The following DRC11 variants were observed in gnomAD, a reference collection of about 807,000 sequenced individuals.
The protein encoded by DRC11 is IQ and AAA domain-containing protein 1.
chr2:236,494,292 G>A, the DRC11 span, among the ~76,000 whole-genome samples: 7 of 152,074 alleles, frequency 4.6e-5, no homozygotes, highest in Non-Finnish European at 7.3e-5. The surrounding 1 kb of genome is among the most constrained non-coding windows in gnomAD (Gnocchi z 4.2). Context: ...CATTAGCACC[G>A]ACTATTTGTA....
the DRC11 span, among the ~76,000 whole-genome samples, chr2:236,455,999 T>C: frequency 6.6e-6 from 1 of 152,108 alleles, no homozygotes; most frequent in Non-Finnish European, 1.5e-5. This position sits in a 1 kb window ranked among gnomAD's most constrained non-coding sequence, Gnocchi z 5.7. Flanking sequence ...CCTCTCCTTT[T>C]GTAGGTCGGC....
chr2:236,422,530 C>G, the DRC11 span, among the ~76,000 whole-genome samples: 1 of 152,084 alleles, frequency 6.6e-6, no homozygotes, highest in Admixed American at 6.5e-5. Context: ...AACTACAAAC[C>G]ACTGCTCAAT....
chr2:236,341,993 T>C, the DRC11 span, among the ~76,000 whole-genome samples: 2 of 152,234 alleles, frequency 1.3e-5, no homozygotes, highest in African/African-American at 4.8e-5. Flanking sequence ...ACAGTGTCCC[T>C]GCGCCCGGGA....
At chr2:236,326,792 TTGTGTGTGTGTGTGTG>T in the DRC11 span, among the ~76,000 whole-genome samples, 22,299 of 144,066 alleles carry the variant, frequency 0.15, 2,041 homozygotes, top group Non-Finnish European at 0.22. Flanking sequence ...TTCAGATTTG[TTGTGTGTGTGTGTGTG>T]TGTGTGTGTG....
chr2:236,344,650 A>G, the DRC11 span: 1 of 1,606,918 alleles, frequency 6.2e-7, no homozygotes, highest in Non-Finnish European at 8.5e-7. Flanking sequence ...CCACCTGCAG[A>G]GGAAAAGGCA....
the DRC11 span, among the ~76,000 whole-genome samples, chr2:236,490,613 C>A: frequency 1.3e-5 from 2 of 151,978 alleles, no homozygotes; most frequent in Non-Finnish European, 2.9e-5. This position sits in a 1 kb window ranked among gnomAD's most constrained non-coding sequence, Gnocchi z 5.5. Context: ...CTTTAGATTC[C>A]GGGCTGTCAT....
At chr2:236,398,236 T>G in the DRC11 span, among the ~76,000 whole-genome samples, 2 of 152,226 alleles carry the variant, frequency 1.3e-5, no homozygotes, top group Non-Finnish European at 2.9e-5. This position sits in a 1 kb window ranked among gnomAD's most constrained non-coding sequence, Gnocchi z 6.2. Flanking sequence ...CCTGCCAGTG[T>G]CATCGTGTCC....
the DRC11 span, among the ~76,000 whole-genome samples, chr2:236,489,858 G>C: frequency 1.3e-5 from 2 of 152,204 alleles, no homozygotes; most frequent in Admixed American, 6.5e-5. Context: ...CCAGAAATTG[G>C]AGGCTACAAT....
chr2:236,426,378 C>T, the DRC11 span, among the ~76,000 whole-genome samples: 4 of 151,862 alleles, frequency 2.6e-5, no homozygotes, highest in Non-Finnish European at 4.4e-5. The surrounding 1 kb of genome is among the most constrained non-coding windows in gnomAD (Gnocchi z 4.1). Flanking sequence ...TAAATTTATA[C>T]CTAAATTAAA....
the DRC11 span, among the ~76,000 whole-genome samples, chr2:236,393,687 A>G: frequency 0.18 from 27,213 of 152,162 alleles, 2,696 homozygotes; most frequent in Non-Finnish European, 0.22. This position sits in a 1 kb window ranked among gnomAD's most constrained non-coding sequence, Gnocchi z 4.7. Flanking sequence ...GTGCTGTGAG[A>G]CCCGGGAAAA....
chr2:236,413,719 G>A, the DRC11 span, among the ~76,000 whole-genome samples: 573 of 152,294 alleles, frequency 3.8e-3, 11 homozygotes, highest in East Asian at 0.047. The surrounding 1 kb of genome is among the most constrained non-coding windows in gnomAD (Gnocchi z 4.0). Flanking sequence ...AGCATTTTGA[G>A]GCTGGAGTGC....
chr2:236,500,921 C>T, the DRC11 span, among the ~76,000 whole-genome samples: 2 of 152,184 alleles, frequency 1.3e-5, no homozygotes, highest in African/African-American at 4.8e-5. The surrounding 1 kb of genome is among the most constrained non-coding windows in gnomAD (Gnocchi z 6.3). Context: ...TGGTCTCGAA[C>T]TCCCAACCTC....
chr2:236,372,024 C>T, the DRC11 span, among the ~76,000 whole-genome samples: 3 of 152,242 alleles, frequency 2.0e-5, no homozygotes, highest in Admixed American at 1.3e-4. The surrounding 1 kb of genome is among the most constrained non-coding windows in gnomAD (Gnocchi z 4.5). Flanking sequence ...TGTGGTCTTT[C>T]GTTATGTGGT....
At chr2:236,376,051 C>G in the DRC11 span, among the ~76,000 whole-genome samples, 1 of 152,192 alleles carries the variant, frequency 6.6e-6, no homozygotes, top group Non-Finnish European at 1.5e-5. The surrounding 1 kb of genome is among the most constrained non-coding windows in gnomAD (Gnocchi z 5.7). Flanking sequence ...ATCCCGGGAA[C>G]AGCACCTAAG....
the DRC11 span, among the ~76,000 whole-genome samples, chr2:236,481,821 C>G: frequency 6.6e-6 from 1 of 150,728 alleles, no homozygotes; most frequent in Non-Finnish European, 1.5e-5. Context: ...TAGTTGAAAT[C>G]TATATACTTT....
the DRC11 span, among the ~76,000 whole-genome samples, chr2:236,352,672 T>A: frequency 1.3e-5 from 2 of 152,168 alleles, no homozygotes; most frequent in African/African-American, 4.8e-5. The surrounding 1 kb of genome is among the most constrained non-coding windows in gnomAD (Gnocchi z 7.0). Flanking sequence ...TCCTTACAGA[T>A]CCTTTACGAA....
the DRC11 span, among the ~76,000 whole-genome samples, chr2:236,357,001 TATATATTC>T: frequency 1.6e-5 from 1 of 64,416 alleles, no homozygotes; most frequent in Admixed American, 1.5e-4. Context: ...TCTATATATT[TATATATTC>T]ATATATTATA....
the DRC11 span, among the ~76,000 whole-genome samples, chr2:236,323,263 C>T: frequency 6.6e-6 from 1 of 152,162 alleles, no homozygotes; most frequent in Non-Finnish European, 1.5e-5. The surrounding 1 kb of genome is among the most constrained non-coding windows in gnomAD (Gnocchi z 6.4). Context: ...ACAGGAATGT[C>T]AAAGGGCTCT....
At chr2:236,408,623 G>T in the DRC11 span, 1 of 725,202 alleles carries the variant, frequency 1.4e-6, no homozygotes, top group East Asian at 2.6e-5. This position sits in a 1 kb window ranked among gnomAD's most constrained non-coding sequence, Gnocchi z 5.5. Flanking sequence ...TCATGCTGCT[G>T]AAGTCCTGCT....
Sources: gnomAD v4.1 joint callset for allele counts (sites outside exome capture counted in the v4.1 genomes callset) on GRCh38, gnomAD v4.1.1 for gene constraint, Gnocchi (gnomAD v3.1) non-coding constraint, MANE v1.5 for transcripts, NCBI Gene and HGNC (gene_info 2026-07-23, HGNC 2026-07-21) for gene names.